HPSE2: variants seen among roughly 807,000 people sequenced by gnomAD.
The protein encoded by HPSE2 is inactive heparanase-2.
HPSE2 carries 38 observed loss-of-function variants against 60.5 expected under a neutral mutation model. That is an observed-to-expected ratio of 0.63 (90% CI 0.48 to 0.82). The LOEUF (loss-of-function observed/expected upper bound fraction) is 0.82. Ranked by LOEUF, HPSE2 falls within the 40% of genes least tolerant of loss-of-function variation. HPSE2 has a pLI of 0.00. For missense variants in HPSE2, 713 were observed against 740.4 expected, an observed-to-expected ratio of 0.96 and a Z score of 0.43; for synonymous variants, 295 against 293.2, an observed-to-expected ratio of 1.01 and a Z score of -0.06.
At chr10:99,079,565 A>G (rs1025644917) in intron 3 of HPSE2, among the ~76,000 whole-genome samples, 2 of 152,124 alleles carry the variant, frequency 1.3e-5, no homozygotes, top group African/African-American at 4.8e-5. Context: ...GGTTATGGTA[A>G]ACGCCAGCCT....
intron 9 of HPSE2, among the ~76,000 whole-genome samples, chr10:98,578,222 C>CT (rs1184617929): frequency 1.3e-5 from 2 of 152,264 alleles, no homozygotes; most frequent in East Asian, 3.9e-4. Context: ...TGTTTTGTCT[C>CT]TGAGACTCTG....
intron 3 of HPSE2, among the ~76,000 whole-genome samples, chr10:98,812,063 T>G (rs1422878408): frequency 6.6e-6 from 1 of 152,172 alleles, no homozygotes; most frequent in Non-Finnish European, 1.5e-5. Flanking sequence ...TTTGTAGATT[T>G]TTTGAAGTTT....
intron 3 of HPSE2, among the ~76,000 whole-genome samples, chr10:98,957,820 C>G (rs1288523031): frequency 1.3e-5 from 2 of 152,152 alleles, no homozygotes; most frequent in Non-Finnish European, 2.9e-5. Context: ...AAAATAAACA[C>G]ATCAGTCAAG....
intron 3 of HPSE2, among the ~76,000 whole-genome samples, chr10:99,081,302 T>C (rs958408313): frequency 2.6e-5 from 4 of 152,230 alleles, no homozygotes; most frequent in African/African-American, 9.6e-5. Flanking sequence ...AAACTTGCAT[T>C]GCACAATATA....
chr10:99,256,121 A>G, the HPSE2 span, among the ~76,000 whole-genome samples: 1 of 151,774 alleles, frequency 6.6e-6, no homozygotes, highest in Admixed American at 6.6e-5. Context: ...CCCATGATCC[A>G]ATCACCTCCC....
chr10:99,144,523 T>G, intron 2 of HPSE2, 124 bp from the exon 3 acceptor site: 1 of 1,106,672 alleles, frequency 9.0e-7, no homozygotes, highest in Non-Finnish European at 1.3e-6. Flanking sequence ...TTCATCAACC[T>G]AAAGAGATGC....
intron 6 of HPSE2, among the ~76,000 whole-genome samples, chr10:98,687,118 G>C (rs529158111): frequency 6.6e-6 from 1 of 151,032 alleles, no homozygotes; most frequent in South Asian, 2.1e-4. Context: ...GTATTTGATT[G>C]CTGCTCTAAA....
At chr10:98,590,422 G>C (rs565204301) in intron 9 of HPSE2, among the ~76,000 whole-genome samples, 91 of 152,352 alleles carry the variant, frequency 6.0e-4, no homozygotes, top group African/African-American at 2.2e-3. Flanking sequence ...CAGCCTGGGT[G>C]GGAATCTCTG....
chr10:98,562,900 A>G (rs945455786), intron 9 of HPSE2, among the ~76,000 whole-genome samples: 3 of 152,068 alleles, frequency 2.0e-5, no homozygotes, highest in Admixed American at 6.6e-5. Context: ...GAGGTTTGAT[A>G]TAGCAAATCT....
intron 3 of HPSE2, among the ~76,000 whole-genome samples, chr10:98,774,749 C>T (rs918066210): frequency 2.0e-5 from 3 of 152,156 alleles, no homozygotes; most frequent in African/African-American, 7.2e-5. Flanking sequence ...CAGCTGAACA[C>T]GTAGTCTTCC....
intron 7 of HPSE2, among the ~76,000 whole-genome samples, chr10:98,626,125 A>G (rs1946206273): frequency 6.8e-6 from 1 of 146,492 alleles, no homozygotes; most frequent in Admixed American, 6.9e-5. Flanking sequence ...AAAGAAAAAG[A>G]AAAAAGAAAA....
chr10:98,875,197 T>TA (rs1441812072), intron 3 of HPSE2, among the ~76,000 whole-genome samples: 1 of 151,974 alleles, frequency 6.6e-6, no homozygotes. Context: ...CTGAAGGAGA[T>TA]AGAGATCCAA....
At chr10:99,027,586 A>G (rs1192097501) in intron 3 of HPSE2, among the ~76,000 whole-genome samples, 1 of 152,168 alleles carries the variant, frequency 6.6e-6, no homozygotes, top group East Asian at 1.9e-4. Context: ...ATAGGAAAGG[A>G]AGGAATACTT....
chr10:98,831,341 C>T (rs981980278), intron 3 of HPSE2, among the ~76,000 whole-genome samples: 5 of 152,014 alleles, frequency 3.3e-5, no homozygotes, highest in Admixed American at 6.6e-5. Context: ...ATGTTGGTGG[C>T]CCTCTTTAAG....
chr10:98,990,768 A>T (rs1274313830), intron 3 of HPSE2, among the ~76,000 whole-genome samples: 2 of 152,202 alleles, frequency 1.3e-5, no homozygotes, highest in African/African-American at 4.8e-5. Flanking sequence ...CATTGGAGAC[A>T]TTGTTAGCTT....
the HPSE2 span, among the ~76,000 whole-genome samples, chr10:99,292,908 C>T: frequency 6.6e-6 from 1 of 152,012 alleles, no homozygotes; most frequent in Non-Finnish European, 1.5e-5. Flanking sequence ...ATAAATATTA[C>T]ATTTGTCTGA....
intron 9 of HPSE2, among the ~76,000 whole-genome samples, chr10:98,514,076 A>G (rs1942510520): frequency 1.3e-5 from 2 of 152,174 alleles, no homozygotes; most frequent in Non-Finnish European, 2.9e-5. Flanking sequence ...ATACATACAT[A>G]AATGGAATAT....
Position 99,105,652 on chromosome 10 carries a change from T to C in HPSE2, c.610+38586A>G, listed in dbSNP as rs540209628. ...TTAATGAGGTTAAATTTATCATTTTTCTCATGGCCCTAGCTGTTATGGTTA... is the reference window on the plus strand; with the variant it reads ...TTAATGAGGTTAAATTTATCATTTTCCTCATGGCCCTAGCTGTTATGGTTA... On this transcript the variant is annotated intron_variant, in intron 3 of 11. Transcript: ENST00000370552. Among the ~76,000 whole-genome samples, 6 of 152,120 alleles carry C rather than the reference T, an allele frequency of 3.9e-5. No homozygotes were observed. The South Asian group carries it at 1.2e-3, about 32-fold the overall frequency.
Position 99,031,122 on chromosome 10 carries a change from T to A in HPSE2, c.610+113116A>T, listed in dbSNP as rs190091644. On this transcript the variant is annotated intron_variant, in intron 3 of 11. Coordinates refer to ENST00000370552, the MANE Select transcript of HPSE2 (RefSeq NM_021828.5). ...TCAATAGTAATTCAACTGTACATTT[T>A]AAAATAACTAAGAGTATAATAGGAT... Among the ~76,000 whole-genome samples the A allele has an allele frequency of 3.6e-3, 542 of 152,250 alleles. 2 individuals carry two copies. The highest frequency in any genetic ancestry group is 5.9e-3 in the Admixed American group (90 of 15,288).
Sources: gnomAD v4.1 joint callset for allele counts (sites outside exome capture counted in the v4.1 genomes callset) on GRCh38, gnomAD v4.1.1 for gene constraint, MANE v1.5 for transcripts, NCBI Gene and HGNC (gene_info 2026-07-23, HGNC 2026-07-21) for gene names.